The following VEGFB variants were observed in gnomAD, a reference collection of about 807,000 sequenced individuals.
The protein encoded by VEGFB is vascular endothelial growth factor B.
VEGFB carries 24 observed loss-of-function variants against 22.5 expected under a neutral mutation model. The ratio of observed to expected loss-of-function variants is 1.07; its 90% CI spans 0.77 to 1.50. VEGFB has a LOEUF of 1.50. Ranked by LOEUF, VEGFB falls within the 40% of genes most tolerant of loss-of-function variation. VEGFB has a pLI of 0.00. For synonymous variants in VEGFB, 141 were observed against 117.4 expected, an observed-to-expected ratio of 1.20 and a Z score of -1.30; for missense variants, 327 against 287.8, an observed-to-expected ratio of 1.14 and a Z score of -0.99.
Position 64,236,250 on chromosome 11 carries a change from A to G in VEGFB, c.301-4A>G. 1.9e-6 allele frequency: 3 copies of G among 1,613,838 alleles called. 1 individual carries two copies. The South Asian group carries it at 3.3e-5, about 18-fold the overall frequency. ...TGTCCCCCCTGTTCTTCTCCTGAGCACAGATCCTCATGATCCGGTACCCGA... is the reference window on the plus strand; with the variant it reads ...TGTCCCCCCTGTTCTTCTCCTGAGCGCAGATCCTCATGATCCGGTACCCGA... On this transcript the variant is annotated splice_polypyrimidine_tract_variant and splice_region_variant and intron_variant, in intron 3 of 6. Coordinates refer to ENST00000309422, the MANE Select transcript of VEGFB (RefSeq NM_003377.5).
At position 64,237,126 on chromosome 11, in the gene VEGFB, G is replaced by GAGAGAGAGAGAGAGA; in HGVS notation, c.375-61_375-60insAGAGAGAGAGAGAGA. ...GAGAGAGAGAGAGAGAGAGAGAGTA[G>GAGAGAGAGAGAGAGA]GATGCTGGGATTTCCTGATCTTCCT... On this transcript the variant is annotated intron_variant, in intron 4 of 6. Transcript: ENST00000309422. The GAGAGAGAGAGAGAGA allele has an allele frequency of 2.1e-5, 15 of 717,550 alleles. 1 individual carries two copies. In the East Asian group the frequency reaches 3.5e-4, roughly 17 times the overall value. 44.4% of individuals were successfully genotyped at this position (717,550 alleles called of 1,614,324 possible). A position where few individuals can be genotyped will look rare whatever the true frequency, so the allele number is the denominator to read the frequency against.
chr11:64,236,245 T>C lies in VEGFB; in HGVS notation c.301-9T>C, dbSNP rs755278344. The stretch of plus-strand genomic sequence containing the variant: ...CTCACTGTCCCCCCTGTTCTTCTCC[T>C]GAGCACAGATCCTCATGATCCGGTA... On this transcript the variant is annotated splice_polypyrimidine_tract_variant and intron_variant, in intron 3 of 6. Coordinates refer to ENST00000309422, the MANE Select transcript of VEGFB (RefSeq NM_003377.5). 2 of 1,613,852 alleles carry C rather than the reference T, an allele frequency of 1.2e-6. No individual in the cohort carries two copies. Among genetic ancestry groups the C allele is most frequent in the South Asian group, 2.2e-5 (2 of 91,086 alleles).
At chr11:64,236,818 CCT>C (rs2030068334) in intron 4 of VEGFB, among the ~76,000 whole-genome samples, 1 of 148,516 alleles carries the variant, frequency 6.7e-6, no homozygotes, top group South Asian at 2.2e-4. Context: ...GTGGCTCACA[CCT>C]ATAATCCCAG....
In VEGFB at chr11:64,237,079, G is replaced by A. The variant is rs2030110233; in HGVS notation, c.375-108G>A. 3.0e-5 allele frequency: 25 copies of A among 819,782 alleles called. 5 individuals are homozygous for A. Among genetic ancestry groups the A allele is most frequent in the Non-Finnish European group, 4.2e-5 (23 of 542,232 alleles). The allele number at this position is 819,782 out of a possible 1,614,324, so 50.8% of individuals were successfully genotyped here. A position where few individuals can be genotyped will look rare whatever the true frequency, so the allele number is the denominator to read the frequency against. The stretch of plus-strand genomic sequence containing the variant: ...GCCTGGGCAAGAAGAGGGAAACACA[G>A]TCTCAAAGAGAGAGAGAGAGAGAGA... On this transcript the variant is annotated intron_variant, in intron 4 of 6. Coordinates refer to ENST00000309422, the MANE Select transcript of VEGFB (RefSeq NM_003377.5).
At position 64,237,547 on chromosome 11, in the gene VEGFB, C is replaced by A. The variant is rs1488989926; in HGVS notation, c.538C>A (p.Pro180Thr). ...PAPGPSAHAA[P>T]STTSALTPGP... ...CCCAGGCCCCTCTGCCCACGCTGCA[C>A]CCAGCACCACCAGCGCCCTGACCCC... is the stretch of plus-strand genomic sequence containing the variant. Residue 180 changes from proline (P) to threonine (T), a missense_variant, in exon 6 of 7, where the codon CCC (proline) becomes ACC (threonine). By Grantham distance (38) the Pro-to-Thr change is conservative (BLOSUM62 -1). Coordinates refer to ENST00000309422, the MANE Select transcript of VEGFB (RefSeq NM_003377.5). 3 of 1,607,188 alleles carry A rather than the reference C, an allele frequency of 1.9e-6. No homozygotes were observed. The highest frequency in any genetic ancestry group is 1.3e-5 in the African/African-American group (1 of 75,018).
chr11:64,237,909 C>T, intron 6 of VEGFB: 2 of 503,538 alleles, frequency 4.0e-6, no homozygotes, highest in Non-Finnish European at 3.5e-6. Flanking sequence ...GGTACCTGGC[C>T]TCGTCTTTCA....
Position 64,237,083 on chromosome 11 carries a change from C to CGAGAG in VEGFB, c.375-104_375-103insGAGAG, listed in dbSNP as rs1555056088. The CGAGAG allele has an allele frequency of 7.5e-5, 49 of 650,460 alleles. 14 individuals carry two copies. The highest frequency in any genetic ancestry group is 1.1e-3 in the Middle Eastern group (2 of 1,876). The allele number at this position is 650,460 out of a possible 1,614,324, so 40.3% of individuals were successfully genotyped here. A position where few individuals can be genotyped will look rare whatever the true frequency, so the allele number is the denominator to read the frequency against. The stretch of plus-strand genomic sequence containing the variant: ...GGGCAAGAAGAGGGAAACACAGTCT[C>CGAGAG]AAAGAGAGAGAGAGAGAGAGAGAGA... On this transcript the variant is annotated intron_variant, in intron 4 of 6. Coordinates refer to ENST00000309422, the MANE Select transcript of VEGFB (RefSeq NM_003377.5).
intron 6 of VEGFB, chr11:64,238,015 C>T: frequency 4.1e-6 from 2 of 488,364 alleles, no homozygotes; most frequent in South Asian, 3.1e-5. Context: ...CCCAGAAGCC[C>T]CTGTGGTAGA....
At chr11:64,237,112 A>AGAGAGAGAGAGAGAGAGAGAGAGAGAGAG (rs1320689339) in intron 4 of VEGFB, 75 bp from the exon 5 acceptor site, 1 of 912,058 alleles carries the variant, frequency 1.1e-6, no homozygotes, top group African/African-American at 1.7e-5. Context: ...AGAGAGAGAG[A>AGAGAGAGAGAGAGAGAGAGAGAGAGAGAG]GAGAGAGAGA....
At chr11:64,235,119 C>A (rs1367444681) in intron 1 of VEGFB, among the ~76,000 whole-genome samples, 1 of 152,132 alleles carries the variant, frequency 6.6e-6, no homozygotes, top group East Asian at 1.9e-4. Flanking sequence ...GTCCCCTGGG[C>A]ACCGCCGGGG....
chr11:64,236,831 C>G (rs942720764), intron 4 of VEGFB, among the ~76,000 whole-genome samples: 10 of 148,756 alleles, frequency 6.7e-5, no homozygotes, highest in African/African-American at 2.2e-4. Context: ...ATAATCCCAG[C>G]ACTTTGGGAG....
chr11:64,236,328 G>A lies in VEGFB; in HGVS notation c.374+1G>A, dbSNP rs113692369. Reference sequence around the variant, plus strand: ...AAGAACACAGCCAGTGTGAATGCAGGTGCCAGCCAGGCCCAACTTCTGAGC... The same window carrying A: ...AAGAACACAGCCAGTGTGAATGCAGATGCCAGCCAGGCCCAACTTCTGAGC... On this transcript the variant is annotated splice_donor_variant, in intron 4 of 6. Coordinates refer to ENST00000309422, the MANE Select transcript of VEGFB (RefSeq NM_003377.5). LOFTEE classifies it high-confidence loss of function. 1 of 1,613,618 alleles carries A rather than the reference G, an allele frequency of 6.2e-7. No individual in the cohort carries two copies. The highest frequency in any genetic ancestry group is 8.5e-7 in the Non-Finnish European group (1 of 1,179,974).
chr11:64,236,853 C>T (rs1335502420), intron 4 of VEGFB, among the ~76,000 whole-genome samples: 1 of 148,930 alleles, frequency 6.7e-6, no homozygotes, highest in East Asian at 2.0e-4. Flanking sequence ...CCCAGGCAGG[C>T]AGATCACCTG....
At chr11:64,235,766 C>T in intron 2 of VEGFB, 47 bp from the exon 3 acceptor site, 1 of 1,605,896 alleles carries the variant, frequency 6.2e-7, no homozygotes, top group East Asian at 2.2e-5. Context: ...CTGGGAGCAG[C>T]TGCAGGAAAA....
chr11:64,238,124 G>A (rs927678997), intron 6 of VEGFB, among the ~76,000 whole-genome samples: 1 of 152,168 alleles, frequency 6.6e-6, no homozygotes, highest in Non-Finnish European at 1.5e-5. Context: ...GTCCCGCAGT[G>A]AGGCCATGGG....
intron 1 of VEGFB, among the ~76,000 whole-genome samples, chr11:64,235,187 A>G (rs1408955985): frequency 6.6e-6 from 1 of 152,024 alleles, no homozygotes; most frequent in Non-Finnish European, 1.5e-5. Context: ...CGCGCTCCTG[A>G]TCTGCATGCA....
In VEGFB at chr11:64,236,120, C is replaced by T. The variant is rs1292011272; in HGVS notation, c.300+111C>T. Reference sequence around the variant, plus strand: ...GGCTGGGGCAGCCTGGAGACTGATGCACAGGAGACAGGGTTGGGGGGAGGG... The same window carrying T: ...GGCTGGGGCAGCCTGGAGACTGATGTACAGGAGACAGGGTTGGGGGGAGGG... On this transcript the variant is annotated intron_variant, in intron 3 of 6. Coordinates refer to ENST00000309422, the MANE Select transcript of VEGFB (RefSeq NM_003377.5). The T allele has an allele frequency of 1.1e-5, 16 of 1,520,446 alleles. No homozygotes were observed. The African/African-American group carries it at 2.1e-4, about 20-fold the overall frequency. The allele number at this position is 1,520,446 out of a possible 1,614,324, so 94.2% of individuals were successfully genotyped here. A position where few individuals can be genotyped will look rare whatever the true frequency, so the allele number is the denominator to read the frequency against.
Position 64,237,064 on chromosome 11 carries a change from G to GAA in VEGFB, c.375-122_375-121dup. The GAA allele has an allele frequency of 3.8e-6, 3 of 786,278 alleles. 1 individual carries two copies. The highest frequency in any genetic ancestry group is 5.7e-6 in the Non-Finnish European group (3 of 525,176). 48.7% of individuals were successfully genotyped at this position (786,278 alleles called of 1,614,324 possible). A position where few individuals can be genotyped will look rare whatever the true frequency, so the allele number is the denominator to read the frequency against. On this transcript the variant is annotated intron_variant, in intron 4 of 6. Transcript: ENST00000309422. ...CGCCACTGCACTCCAGCCTGGGCAA[G>GAA]AAGAGGGAAACACAGTCTCAAAGAG...
intron 3 of VEGFB, 91 bp from the exon 4 acceptor site, chr11:64,236,163 G>C: frequency 1.9e-6 from 3 of 1,556,496 alleles, no homozygotes; most frequent in South Asian, 1.1e-5. Flanking sequence ...CCAGCCTCCC[G>C]GCTGTTGGGT....
Sources: allele counts gnomAD v4.1 joint callset (sites outside exome capture counted in the v4.1 genomes callset), GRCh38; gene constraint gnomAD v4.1.1; transcripts MANE v1.5; gene names NCBI Gene and HGNC (gene_info 2026-07-23, HGNC 2026-07-21).